TCOF1: variants seen among roughly 807,000 people sequenced by gnomAD.
The protein encoded by TCOF1 is treacle protein.
Under a neutral mutation model 149.0 loss-of-function variants are expected in TCOF1, and 33 were observed. That is an observed-to-expected ratio of 0.22 (90% confidence interval 0.17 to 0.30). TCOF1 has a LOEUF of 0.30. TCOF1 is among the 10% of genes least tolerant of loss of function. TCOF1 has a pLI of 1.00. For synonymous variants in TCOF1, 789 were observed against 738.8 expected, an observed-to-expected ratio of 1.07 and a Z score of -1.10; for missense variants, 1,728 against 1,840.7, an observed-to-expected ratio of 0.94 and a Z score of 1.12.
intron 17 of TCOF1, among the ~76,000 whole-genome samples, chr5:150,382,137 CAG>C (rs1765344642): frequency 6.6e-6 from 1 of 151,772 alleles, no homozygotes; most frequent in Admixed American, 6.6e-5. Context: ...GCCTGGGCAA[CAG>C]AGTGAGCAGA....
At chr5:150,396,246 C>G in intron 23 of TCOF1, 36 bp from the exon 24 acceptor site, 1 of 1,610,610 alleles carries the variant, frequency 6.2e-7, no homozygotes, top group Non-Finnish European at 8.5e-7. Flanking sequence ...TCCCCCAACT[C>G]TCCCAGATCT....
intron 1 of TCOF1, 42 bp from the exon 2 acceptor site, chr5:150,361,114 G>T: frequency 6.2e-7 from 1 of 1,613,396 alleles, no homozygotes; most frequent in Non-Finnish European, 8.5e-7. Context: ...GATCCTTACT[G>T]TGCTGGGGAT....
At chr5:150,398,643 G>T (rs972890633) in intron 25 of TCOF1, among the ~76,000 whole-genome samples, 192 bp downstream of exon 25, 3 of 152,184 alleles carry the variant, frequency 2.0e-5, no homozygotes, top group Non-Finnish European at 4.4e-5. Context: ...GAAGTGGCCT[G>T]CCGGAGGTAG....
Position 150,398,404 on chromosome 5 carries a change from T to C in TCOF1, c.4396T>C (p.Ser1466Pro). 1 of 1,614,034 alleles carries C rather than the reference T, an allele frequency of 6.2e-7. No individual in the cohort carries two copies. The highest frequency in any genetic ancestry group is 1.3e-5 in the African/African-American group (1 of 74,992). Residue 1466 changes from serine (S) to proline (P), a missense_variant, in exon 25 of 27, where the codon TCA becomes CCA. This residue lies in a region of TCOF1 where 1,696 missense variants were observed against 1,765.4 expected (regional missense o/e 0.96). Coordinates refer to ENST00000643257, the MANE Select transcript of TCOF1 (RefSeq NM_001371623.1). ...KEKKKKAKKA[S>P]TKDSESPSQK... ...AAAGAAGAAGAAAGCAAAAAAGGCC[T>C]CAACCAAAGATTCTGAGTCACCGTC... is the stretch of plus-strand genomic sequence containing the variant.
chr5:150,376,744 A>G (rs775827923), intron 14 of TCOF1, 124 bp downstream of exon 14: 28 of 945,842 alleles, frequency 3.0e-5, no homozygotes, highest in Non-Finnish European at 4.3e-5. Flanking sequence ...TAGCCTCAAC[A>G]CAGCTTCCTT....
Position 150,378,954 on chromosome 5 carries a change from C to T in TCOF1, c.2390C>T (p.Ala797Val), listed in dbSNP as rs1016844223. 1.2e-6 allele frequency: 2 copies of T among 1,614,110 alleles called. No homozygotes were observed. Among genetic ancestry groups the T allele is most frequent in the East Asian group, 2.2e-5 (1 of 44,870 alleles). Residue 797 changes from alanine (A) to valine (V), a missense_variant, in exon 15 of 27, where the codon GCC becomes GTC. This residue lies in a region of TCOF1 where 1,696 missense variants were observed against 1,765.4 expected (regional missense o/e 0.96). Transcript: ENST00000643257. ...KTQAKANPAA[A>V]RAPSAKGTIS... ...CAGGCCAAAGCCAACCCAGCTGCCGCCAGAGCACCTTCAGCAAAAGGGACA... is the reference window on the plus strand; with the variant it reads ...CAGGCCAAAGCCAACCCAGCTGCCGTCAGAGCACCTTCAGCAAAAGGGACA...
In TCOF1 at chr5:150,375,027, C is replaced by A; in HGVS notation, c.1352C>A (p.Ala451Asp). 6.2e-7 allele frequency: 1 copy of A among 1,614,034 alleles called. No homozygotes were observed. The highest frequency in any genetic ancestry group is 8.5e-7 in the Non-Finnish European group (1 of 1,179,992). ...GCCAAGGAGTCCCCCAGGAAAGGGG[C>A]TGCCCCAGCACCTCCTAGGAAAACA... ...APAKESPRKG[A>D]APAPPRKTGP... The change falls in exon 10 of 27, where the codon GCT (alanine) becomes GAT (aspartate). Residue 451 changes from alanine to aspartate, a missense_variant. By Grantham distance (126) the Ala-to-Asp change is moderately radical. Around this residue, in one of 2 missense-constraint regions of TCOF1, gnomAD observed 1,696 missense variants for 1,765.4 expected, o/e 0.96. Transcript: ENST00000643257.
At position 150,364,198 on chromosome 5, in the gene TCOF1, A is replaced by T. The variant is rs1438809656; in HGVS notation, c.250A>T (p.Thr84Ser). The change falls in exon 3 of 27, where the codon ACC becomes TCC. Residue 84 changes from threonine (T) to serine (S), a missense_variant. By Grantham distance (58) the Thr-to-Ser change is moderately conservative. Around this residue, in one of 2 missense-constraint regions of TCOF1, gnomAD observed 1,696 missense variants for 1,765.4 expected, o/e 0.96. Coordinates refer to ENST00000643257, the MANE Select transcript of TCOF1 (RefSeq NM_001371623.1). ...AACCCGTGTGTCAGACCCCATCAGC[A>T]CCTCGGAGAGCTCGGAAGAGGAGGA... is the stretch of plus-strand genomic sequence containing the variant. ...KKTRVSDPIS[T>S]SESSEEEEEA... 6.2e-7 allele frequency: 1 copy of T among 1,614,114 alleles called. No individual in the cohort carries two copies. Among genetic ancestry groups the T allele is most frequent in the Admixed American group, 1.7e-5 (1 of 60,010 alleles).
At chr5:150,373,322 T>C (rs978979129) in intron 7 of TCOF1, among the ~76,000 whole-genome samples, 1 of 152,196 alleles carries the variant, frequency 6.6e-6, no homozygotes, top group Non-Finnish European at 1.5e-5. Context: ...ATTACAGATA[T>C]GAGCCACCGC....
chr5:150,396,823 G>A lies in TCOF1; in HGVS notation c.4326G>A (p.Glu1442=), dbSNP rs752857873. 2.5e-6 allele frequency: 4 copies of A among 1,593,960 alleles called. No individual in the cohort carries two copies. In the South Asian group the frequency reaches 3.3e-5, roughly 13 times the overall value. ...AAAGCAACCCAAAGAGCAAGAAGGA[G>A]AAGAAGAAATCCGACAAGAGTGAGT... ...GDQSNPKSKK[E]KKKSDKRKKD... is the part of the protein sequence containing the mutation. Residue 1442 remains glutamate (E), a synonymous_variant, in exon 24 of 27, where the codon GAG becomes GAA. Coordinates refer to ENST00000643257, the MANE Select transcript of TCOF1 (RefSeq NM_001371623.1).
chr5:150,393,912 A>G (rs1256533618), intron 23 of TCOF1: 4 of 329,206 alleles, frequency 1.2e-5, no homozygotes, highest in Non-Finnish European at 2.4e-5. Flanking sequence ...TTGAGAGGCC[A>G]AGGCAGAAGA....
At chr5:150,367,977 A>C in intron 4 of TCOF1, 60 bp downstream of exon 4, 1 of 1,579,270 alleles carries the variant, frequency 6.3e-7, no homozygotes, top group Non-Finnish European at 8.7e-7. Context: ...GGTAGGGGAC[A>C]GTCTTACATG....
At position 150,396,528 on chromosome 5, in the gene TCOF1, A is replaced by G; in HGVS notation, c.4031A>G (p.Glu1344Gly). ...AAGGAGAGCAGCAGGAAGGGCTGGG[A>G]GAGCCGCAAGCGGAAGCTATCGGGA... ...TTKESSRKGW[E>G]SRKRKLSGDQ... The change falls in exon 24 of 27, where the codon GAG (glutamate) becomes GGG (glycine). Residue 1344 changes from glutamate (E) to glycine (G), a missense_variant. Coordinates refer to ENST00000643257, the MANE Select transcript of TCOF1 (RefSeq NM_001371623.1). 6.2e-7 allele frequency: 1 copy of G among 1,606,202 alleles called. No homozygotes were observed. The highest frequency in any genetic ancestry group is 8.5e-7 in the Non-Finnish European group (1 of 1,176,422).
At chr5:150,383,855 A>G (rs948256979) in intron 17 of TCOF1, 38 of 1,550,298 alleles carry the variant, frequency 2.5e-5, no homozygotes, top group Non-Finnish European at 6.1e-6. Flanking sequence ...TGCTCAGGCT[A>G]CACCTCCAAG....
At chr5:150,398,825 A>T (rs1769153800) in intron 25 of TCOF1, among the ~76,000 whole-genome samples, 197 bp from the exon 26 acceptor site, 2 of 152,256 alleles carry the variant, frequency 1.3e-5, no homozygotes, top group African/African-American at 4.8e-5. Context: ...CCTCAGACAC[A>T]GATGAAGTTC....
At chr5:150,374,579 C>T (rs1307629113) in intron 8 of TCOF1, 38 bp from the exon 9 acceptor site, 2 of 1,612,272 alleles carry the variant, frequency 1.2e-6, no homozygotes, top group Non-Finnish European at 8.5e-7. Flanking sequence ...CTCACACGTC[C>T]ATCCTCTGGG....
chr5:150,399,157 T>A lies in TCOF1; in HGVS notation c.*22+87T>A, dbSNP rs546389795. On this transcript the variant is annotated intron_variant, in intron 26 of 26. Coordinates refer to ENST00000643257, the MANE Select transcript of TCOF1 (RefSeq NM_001371623.1). ...GTCCCAGAGAGCCAGGCAGACCTGA[T>A]AGGTGGGCTCTAAGGGGAAAGGAGG... 79 of 1,577,210 alleles carry A rather than the reference T, an allele frequency of 5.0e-5. No individual in the cohort carries two copies. The East Asian group carries it at 1.2e-3, about 24-fold the overall frequency.
intron 18 of TCOF1, among the ~76,000 whole-genome samples, chr5:150,389,581 C>T (rs1319428833): frequency 1.3e-5 from 2 of 152,214 alleles, no homozygotes; most frequent in African/African-American, 2.4e-5. Context: ...CAAGGAGAGT[C>T]GTTTGGTGCC....
chr5:150,362,105 T>A (rs1581028435), intron 2 of TCOF1, among the ~76,000 whole-genome samples: 1 of 151,918 alleles, frequency 6.6e-6, no homozygotes, highest in Non-Finnish European at 1.5e-5. Flanking sequence ...TGTGGATGGG[T>A]GGGAGAGGAA....
Sources: gnomAD v4.1 joint callset for allele counts (sites outside exome capture counted in the v4.1 genomes callset) on GRCh38, gnomAD v4.1.1 for gene constraint, gnomAD v4.1.1 regional missense constraint, MANE v1.5 for transcripts, NCBI Gene and HGNC (gene_info 2026-07-23, HGNC 2026-07-21) for gene names.